GPLD1: variants seen among roughly 807,000 people sequenced by gnomAD.
The protein encoded by GPLD1 is glycosylphosphatidylinositol specific phospholipase D1.
In GPLD1, 84 loss-of-function variants were observed where a neutral mutation model predicts 112.6. The observed-to-expected ratio is 0.75, with a 90% CI of 0.63 to 0.89. The LOEUF is 0.89. GPLD1 is among the 40% of genes least tolerant of loss of function. The pLI is 0.00. For missense variants in GPLD1, 1,044 were observed against 1,051.5 expected, an observed-to-expected ratio of 0.99 and a Z score of 0.10; for synonymous variants, 386 against 403.8, an observed-to-expected ratio of 0.96 and a Z score of 0.53.
intron 20 of GPLD1, among the ~76,000 whole-genome samples, chr6:24,440,416 C>T (rs9467157): frequency 0.28 from 43,089 of 151,856 alleles, 6,600 homozygotes; most frequent in African/African-American, 0.39. Flanking sequence ...TGAACTCCAG[C>T]CTGGGCAACA....
Position 24,433,176 on chromosome 6 carries a change from C to A in GPLD1, c.2436+11G>T. On this transcript the variant is annotated intron_variant, in intron 24 of 24. Transcript: ENST00000230036. ...ACATAAACATCAATGAAGTTCAGTC[C>A]TTGGGCTCACCTTTGCCTTGGACCT... 1.3e-6 allele frequency: 2 copies of A among 1,597,138 alleles called. No homozygotes were observed. Among genetic ancestry groups the A allele is most frequent in the Non-Finnish European group, 1.7e-6 (2 of 1,164,568 alleles).
rs765375135 is a variant in GPLD1, at chr6:24,445,541, C to G, written c.2020+5G>C. The stretch of plus-strand genomic sequence containing the variant: ...GGAAGCACAGTTTCACAGTGTGTGA[C>G]CTACCGTACGTAGGGGCTCCAACCA... On this transcript the variant is annotated splice_donor_5th_base_variant and intron_variant, in intron 20 of 24. Transcript: ENST00000230036. 1 of 1,601,796 alleles carries G rather than the reference C, an allele frequency of 6.2e-7. No homozygotes were observed. The highest frequency in any genetic ancestry group is 8.6e-7 in the Non-Finnish European group (1 of 1,168,970).
chr6:24,446,784 C>T (rs971757292), intron 18 of GPLD1, 54 bp downstream of exon 18: 4 of 1,575,026 alleles, frequency 2.5e-6, no homozygotes, highest in Admixed American at 1.8e-5. Flanking sequence ...CGCTCCATAG[C>T]AGCAGGTACC....
chr6:24,466,458 A>C (rs924942039), intron 10 of GPLD1, among the ~76,000 whole-genome samples: 18 of 152,256 alleles, frequency 1.2e-4, no homozygotes, highest in African/African-American at 4.3e-4. Context: ...CTCTATTTCT[A>C]AAACACGAGC....
At chr6:24,467,402 C>A (rs565904938) in intron 7 of GPLD1, 128 bp from the exon 8 acceptor site, 1 of 633,302 alleles carries the variant, frequency 1.6e-6, no homozygotes, top group Non-Finnish European at 2.8e-6. Context: ...TCTTTACATG[C>A]ACCAGTTATT....
At chr6:24,488,903 TA>T (rs1196934874) in intron 1 of GPLD1, among the ~76,000 whole-genome samples, 1 of 152,148 alleles carries the variant, frequency 6.6e-6, no homozygotes, top group South Asian at 2.1e-4. Context: ...TGCATGTGGA[TA>T]ACTAAACTCC....
At position 24,460,333 on chromosome 6, in the gene GPLD1, C is replaced by T. The variant is rs775970121; in HGVS notation, c.954G>A (p.Arg318=). 8 of 1,612,832 alleles carry T rather than the reference C, an allele frequency of 5.0e-6. No individual in the cohort carries two copies. In the South Asian group the frequency reaches 6.6e-5, roughly 13 times the overall value. Residue 318 remains arginine, a synonymous_variant, in exon 12 of 25, where the codon AGG becomes AGA. Coordinates refer to ENST00000230036, the MANE Select transcript of GPLD1 (RefSeq NM_001503.4). ...CTCCTCTTTCAGTATAGTTTATATT[C>T]CTGTCAACACTTTCAGTTAGGGATG... ...LTTSLTESVD[R]NINYTERGVF...
At chr6:24,480,978 A>G (rs1764183902) in intron 2 of GPLD1, among the ~76,000 whole-genome samples, 1 of 152,172 alleles carries the variant, frequency 6.6e-6, no homozygotes, top group Non-Finnish European at 1.5e-5. Context: ...GGACAACCAT[A>G]TTGTTAGTAA....
At chr6:24,454,259 C>T (rs1269763182) in intron 13 of GPLD1, 58 bp from the exon 14 acceptor site, 11 of 1,257,166 alleles carry the variant, frequency 8.7e-6, no homozygotes, top group Admixed American at 2.7e-5. Context: ...TTAAAGCTGT[C>T]GCCTGCTTCT....
chr6:24,436,631 A>G lies in GPLD1; in HGVS notation c.2303T>C (p.Leu768Pro), dbSNP rs1762585560. The stretch of plus-strand genomic sequence containing the variant: ...TTTGCATTTGCCAGTCATGTCACCA[A>G]GGGTGGTCTCTTTGCCATTATATAC... The part of the protein sequence containing the change: ...VYVYNGKETT[L>P]GDMTGKCKSW... Residue 768 changes from leucine (L) to proline (P), a missense_variant, in exon 22 of 25, where the codon CTT becomes CCT. Physicochemically the swap from Leu to Pro is moderately conservative, Grantham distance 98. Coordinates refer to ENST00000230036, the MANE Select transcript of GPLD1 (RefSeq NM_001503.4). 1 of 1,613,986 alleles carries G rather than the reference A, an allele frequency of 6.2e-7. No individual in the cohort carries two copies. Among genetic ancestry groups the G allele is most frequent in the Non-Finnish European group, 8.5e-7 (1 of 1,179,960 alleles).
chr6:24,480,218 T>C (rs1188308531), intron 2 of GPLD1, among the ~76,000 whole-genome samples: 2 of 152,184 alleles, frequency 1.3e-5, no homozygotes, highest in East Asian at 1.9e-4. Flanking sequence ...CAGAAAACAC[T>C]TGTTTAAATT....
intron 22 of GPLD1, among the ~76,000 whole-genome samples, chr6:24,434,764 G>C (rs1762516131): frequency 6.7e-6 from 1 of 150,302 alleles, no homozygotes; most frequent in Admixed American, 6.6e-5. Flanking sequence ...CATGAACCTG[G>C]GAGGTGGAGG....
At chr6:24,437,012 G>A in intron 21 of GPLD1, 101 bp downstream of exon 21, 2 of 1,058,074 alleles carry the variant, frequency 1.9e-6, no homozygotes, top group Non-Finnish European at 2.8e-6. Flanking sequence ...GGGCCACTGG[G>A]CTGTCAATTA....
At chr6:24,433,063 T>A (rs1029923987) in intron 24 of GPLD1, 124 bp downstream of exon 24, 6 of 776,852 alleles carry the variant, frequency 7.7e-6, no homozygotes, top group Non-Finnish European at 1.4e-5. Context: ...TGAATGTTAC[T>A]TTCTGTGTGT....
intron 12 of GPLD1, 65 bp from the exon 13 acceptor site, chr6:24,456,702 C>A (rs1389400541): frequency 8.9e-6 from 10 of 1,120,974 alleles, no homozygotes; most frequent in Non-Finnish European, 1.3e-5. Context: ...CTACTGTTTC[C>A]TGTCCAAAGT....
Position 24,446,958 on chromosome 6 carries a change from G to T in GPLD1, c.1700C>A (p.Ala567Asp). 6.2e-7 allele frequency: 1 copy of T among 1,613,142 alleles called. No homozygotes were observed. Reference protein sequence around the residue: ...SDKEKLNVEAANWTVRGEEDF... With the variant: ...SDKEKLNVEADNWTVRGEEDF... ...TTCCTCGCCTCTCACCGTCCAGTTG[G>T]CTGCCTCCACGTTCAGTTTTTCTAA... The change falls in exon 18 of 25, where the codon GCC becomes GAC. Residue 567 changes from alanine (A) to aspartate (D), a missense_variant. Ala to Asp is a moderately radical substitution (Grantham distance 126, BLOSUM62 -2). Transcript: ENST00000230036.
chr6:24,489,175 G>C (rs1328363182), intron 1 of GPLD1, among the ~76,000 whole-genome samples: 1 of 152,042 alleles, frequency 6.6e-6, no homozygotes, highest in Non-Finnish European at 1.5e-5. Flanking sequence ...AACACACAGG[G>C]GTCCCATGAC....
chr6:24,443,627 T>G (rs1013557680), intron 20 of GPLD1, among the ~76,000 whole-genome samples: 3 of 152,148 alleles, frequency 2.0e-5, no homozygotes, highest in Non-Finnish European at 4.4e-5. Flanking sequence ...GTGTCTTCGA[T>G]TTAATGAAAA....
intron 12 of GPLD1, among the ~76,000 whole-genome samples, chr6:24,458,159 C>A (rs1341265442): frequency 2.6e-5 from 4 of 151,674 alleles, no homozygotes; most frequent in Admixed American, 2.0e-4. Flanking sequence ...TGAGACCAAA[C>A]AAGATTTCCT....
Sources: allele counts gnomAD v4.1 joint callset (sites outside exome capture counted in the v4.1 genomes callset), GRCh38; gene constraint gnomAD v4.1.1; transcripts MANE v1.5; gene names NCBI Gene and HGNC (gene_info 2026-07-23, HGNC 2026-07-21).